The following PPP1R9A variants were observed in gnomAD, a reference collection of about 807,000 sequenced individuals.
PPP1R9A encodes neurabin-1.
A neutral mutation model predicts 141.9 loss-of-function variants in PPP1R9A; 59 were observed. The ratio of observed to expected loss-of-function variants is 0.42; its 90% confidence interval spans 0.34 to 0.52. The LOEUF (loss-of-function observed/expected upper bound fraction) is 0.52, where lower values mean the gene tolerates loss of function less well. PPP1R9A is among the 20% of genes least tolerant of loss of function. The pLI, the probability that PPP1R9A is intolerant of heterozygous loss-of-function variation, is 0.10. For missense variants in PPP1R9A, 1,444 were observed against 1,611.9 expected, an observed-to-expected ratio of 0.90 and a Z score of 1.78; for synonymous variants, 500 against 569.7, an observed-to-expected ratio of 0.88 and a Z score of 1.74.
At chr7:95,184,765 A>C (rs552441665) in intron 5 of PPP1R9A, among the ~76,000 whole-genome samples, 6 of 151,688 alleles carry the variant, frequency 4.0e-5, no homozygotes, top group Admixed American at 3.3e-4. Context: ...ATGGTGTCCA[A>C]CTCCATCCAG....
At chr7:95,068,751 TAGA>T (rs1436988743) in intron 2 of PPP1R9A, among the ~76,000 whole-genome samples, 1 of 152,168 alleles carries the variant, frequency 6.6e-6, no homozygotes, top group East Asian at 1.9e-4. Context: ...CAAGGAAGGC[TAGA>T]AGAAGATGTT....
intron 2 of PPP1R9A, among the ~76,000 whole-genome samples, chr7:94,960,950 A>G (rs1797572650): frequency 6.6e-6 from 1 of 151,680 alleles, no homozygotes; most frequent in Non-Finnish European, 1.5e-5. Context: ...AATCATCCCT[A>G]TTGGTTTTGT....
chr7:95,171,186 G>A (rs1346394288), intron 5 of PPP1R9A, among the ~76,000 whole-genome samples: 2 of 151,466 alleles, frequency 1.3e-5, no homozygotes, highest in Non-Finnish European at 3.0e-5. Flanking sequence ...AAAATGAAGA[G>A]ATGTATAGAA....
intron 4 of PPP1R9A, among the ~76,000 whole-genome samples, chr7:95,142,857 T>C (rs1197672476): frequency 6.6e-6 from 1 of 152,084 alleles, no homozygotes; most frequent in Non-Finnish European, 1.5e-5. Flanking sequence ...AATTATTATG[T>C]CTTCAGTATG....
chr7:94,938,024 T>C (rs973823986), intron 2 of PPP1R9A, among the ~76,000 whole-genome samples: 2 of 152,158 alleles, frequency 1.3e-5, no homozygotes, highest in Non-Finnish European at 2.9e-5. Context: ...TAGTTTTCTA[T>C]ATCAGTGGGG....
At chr7:95,256,476 G>A (rs1053517344) in intron 12 of PPP1R9A, among the ~76,000 whole-genome samples, 1 of 152,036 alleles carries the variant, frequency 6.6e-6, no homozygotes, top group East Asian at 1.9e-4. Flanking sequence ...TCCATAACTT[G>A]ATATTGTGAG....
chr7:95,286,085 CA>C, intron 17 of PPP1R9A, 120 bp from the exon 18 acceptor site: 1 of 1,456,358 alleles, frequency 6.9e-7, no homozygotes, highest in Non-Finnish European at 9.1e-7. Flanking sequence ...AGGTCATCAC[CA>C]AATCATACAT....
intron 6 of PPP1R9A, among the ~76,000 whole-genome samples, chr7:95,203,225 T>C (rs1789968169): frequency 6.6e-6 from 1 of 152,034 alleles, no homozygotes; most frequent in Non-Finnish European, 1.5e-5. Context: ...ATGGGTATGG[T>C]TTTTTATTGC....
At chr7:95,269,132 C>T in intron 13 of PPP1R9A, 75 bp from the exon 14 acceptor site, 1 of 1,375,034 alleles carries the variant, frequency 7.3e-7, no homozygotes, top group Non-Finnish European at 9.8e-7. Flanking sequence ...AAAGGTTGGT[C>T]TTATTTCAAA....
At chr7:95,019,983 A>G (rs1167460033) in intron 2 of PPP1R9A, among the ~76,000 whole-genome samples, 2 of 152,122 alleles carry the variant, frequency 1.3e-5, no homozygotes, top group Non-Finnish European at 2.9e-5. Context: ...GGAGAAACAA[A>G]CTGTATCATA....
At chr7:95,138,018 C>T (rs898868835) in intron 4 of PPP1R9A, among the ~76,000 whole-genome samples, 3 of 151,408 alleles carry the variant, frequency 2.0e-5, no homozygotes, top group Admixed American at 6.6e-5. Context: ...CTGCGAACCC[C>T]GCCTCCCAGG....
At chr7:95,148,165 T>C (rs1827988575) in intron 4 of PPP1R9A, among the ~76,000 whole-genome samples, 1 of 151,894 alleles carries the variant, frequency 6.6e-6, no homozygotes, top group African/African-American at 2.4e-5. Flanking sequence ...GGAGAGGAAA[T>C]TAAATCCAAA....
intron 2 of PPP1R9A, among the ~76,000 whole-genome samples, chr7:95,105,083 G>A (rs1036101950): frequency 3.3e-5 from 5 of 152,186 alleles, no homozygotes; most frequent in South Asian, 2.1e-4. Context: ...AACTGAGACC[G>A]TGTGGAAGCA....
chr7:95,226,612 G>C (rs1795176659), intron 8 of PPP1R9A, among the ~76,000 whole-genome samples: 1 of 152,178 alleles, frequency 6.6e-6, no homozygotes, highest in African/African-American at 2.4e-5. Context: ...ACTGGCAACA[G>C]CAGGAGGCTG....
At chr7:95,239,484 G>A (rs1797149047) in intron 8 of PPP1R9A, among the ~76,000 whole-genome samples, 1 of 152,130 alleles carries the variant, frequency 6.6e-6, no homozygotes, top group South Asian at 2.1e-4. Flanking sequence ...ACGTTAGCCT[G>A]GGAGGTAGAG....
intron 2 of PPP1R9A, among the ~76,000 whole-genome samples, chr7:94,969,949 G>C (rs1011417406): frequency 6.6e-6 from 1 of 152,108 alleles, no homozygotes; most frequent in Non-Finnish European, 1.5e-5. Context: ...TACACTGTGA[G>C]GGGGAGAACC....
chr7:95,108,261 A>C (rs1315844542), intron 2 of PPP1R9A, among the ~76,000 whole-genome samples: 1 of 92,918 alleles, frequency 1.1e-5, no homozygotes, highest in African/African-American at 4.0e-5. Context: ...AGTGTATTAC[A>C]TTATTTTCTT....
At chr7:95,118,484 A>G (rs916119482) in intron 3 of PPP1R9A, among the ~76,000 whole-genome samples, 1 of 152,218 alleles carries the variant, frequency 6.6e-6, no homozygotes, top group African/African-American at 2.4e-5. Flanking sequence ...CAGGCAGCTC[A>G]TCCAGGGGAA....
chr7:94,996,697 T>C (rs1372081149), intron 2 of PPP1R9A, among the ~76,000 whole-genome samples: 1 of 152,124 alleles, frequency 6.6e-6, no homozygotes, highest in Non-Finnish European at 1.5e-5. Flanking sequence ...GCTCTATTAA[T>C]TTTTTGCAGT....
Sources: allele counts gnomAD v4.1 joint callset (sites outside exome capture counted in the v4.1 genomes callset), GRCh38; gene constraint gnomAD v4.1.1; transcripts MANE v1.5; gene names NCBI Gene and HGNC (gene_info 2026-07-23, HGNC 2026-07-21).